ZP1: variants seen among roughly 807,000 people sequenced by gnomAD.
ZP1 encodes the protein zona pellucida glycoprotein 1, also known as zona pellucida sperm-binding protein 1.
In ZP1, 58 loss-of-function variants were observed where a neutral mutation model predicts 67.4. The ratio of observed to expected loss-of-function variants is 0.86; its 90% confidence interval spans 0.70 to 1.07. The LOEUF (loss-of-function observed/expected upper bound fraction) is 1.07, where lower values mean the gene tolerates loss of function less well. ZP1 is among the 50% of genes least tolerant of loss of function. The pLI is 0.00. For synonymous variants in ZP1, 333 were observed against 332.7 expected, an observed-to-expected ratio of 1.00 and a Z score of -0.01; for missense variants, 759 against 807.3, an observed-to-expected ratio of 0.94 and a Z score of 0.72.
In ZP1 at chr11:60,867,798, C is replaced by A. The variant is rs189311227; in HGVS notation, c.196+41C>A. ...GTCCTGGCCCCTGCCTCCCTGGCCA[C>A]GGGCTGCTGCCAGAAGGGAGCTGGG... On this transcript the variant is annotated intron_variant, in intron 1 of 11. Transcript: ENST00000278853. 11 of 1,588,852 alleles carry A rather than the reference C, an allele frequency of 6.9e-6. No homozygotes were observed. In the African/African-American group the frequency reaches 1.1e-4, roughly 16 times the overall value.
In ZP1 at chr11:60,867,674, G is replaced by A. The variant is rs759093238; in HGVS notation, c.113G>A (p.Arg38Gln). 46 of 1,614,042 alleles carry A rather than the reference G, an allele frequency of 2.8e-5. No individual in the cohort carries two copies. The highest frequency in any genetic ancestry group is 3.6e-5 in the Non-Finnish European group (42 of 1,179,968). The change falls in exon 1 of 12, where the codon CGG (arginine) becomes CAG (glutamine). Residue 38 changes from arginine (R) to glutamine (Q), a missense_variant. Physicochemically the swap from Arg to Gln is conservative, Grantham distance 43 (BLOSUM62 1). Transcript: ENST00000278853. The stretch of plus-strand genomic sequence containing the variant: ...CCCGACCCTGGCCTCCCAGGCCTCC[G>A]GCACAGCTACGACTGTGGGATCAAG... Reference protein sequence around the residue: ...LQPDPGLPGLRHSYDCGIKGM... With the variant: ...LQPDPGLPGLQHSYDCGIKGM...
At chr11:60,869,044 C>T in intron 1 of ZP1, 101 bp from the exon 2 acceptor site, 2 of 1,443,244 alleles carry the variant, frequency 1.4e-6, no homozygotes, top group Admixed American at 1.9e-5. Flanking sequence ...AAGGCAAGAA[C>T]CCAGGTCTCC....
chr11:60,869,704 T>G lies in ZP1; in HGVS notation c.486T>G (p.Leu162=). The G allele has an allele frequency of 6.2e-7, 1 of 1,614,050 alleles. No individual in the cohort carries two copies. The highest frequency in any genetic ancestry group is 8.5e-7 in the Non-Finnish European group (1 of 1,179,960). Residue 162 remains leucine, a synonymous_variant, in exon 3 of 12, where the codon CTT becomes CTG. Transcript: ENST00000278853. ...TCTCTGTCTCAACCCCACAAACCCT[T>G]TCCTTCCTCCCCACCTCTGGCCATA... is the stretch of plus-strand genomic sequence containing the variant. ...AMFSVSTPQT[L]SFLPTSGHTS...
Position 60,873,793 on chromosome 11 carries a change from C to T in ZP1, c.1572+18C>T. ...GAGGACTGGTAAGAAGCCCCGGCTG[C>T]CGCATGCCTGGTCCCATCTGTTAAG... On this transcript the variant is annotated intron_variant, in intron 9 of 11. Transcript: ENST00000278853. 1 of 1,612,632 alleles carries T rather than the reference C, an allele frequency of 6.2e-7. No individual in the cohort carries two copies. Among genetic ancestry groups the T allele is most frequent in the Non-Finnish European group, 8.5e-7 (1 of 1,179,996 alleles).
Position 60,869,745 on chromosome 11 carries a change from G to A in ZP1, c.527G>A (p.Gly176Asp). The A allele has an allele frequency of 6.2e-7, 1 of 1,613,940 alleles. No homozygotes were observed. The highest frequency in any genetic ancestry group is 1.1e-5 in the South Asian group (1 of 91,052). ...TCTGGCCATACCTCCCAAGGCTCTGGCCATGCCTTTCCCAGCCCACTGGAC... is the reference window on the plus strand; with the variant it reads ...TCTGGCCATACCTCCCAAGGCTCTGACCATGCCTTTCCCAGCCCACTGGAC... ...PTSGHTSQGSGHAFPSPLDPG... is the reference protein window; with the variant it reads ...PTSGHTSQGSDHAFPSPLDPG... The change falls in exon 3 of 12, where the codon GGC becomes GAC. Residue 176 changes from glycine (G) to aspartate (D), a missense_variant. Coordinates refer to ENST00000278853, the MANE Select transcript of ZP1 (RefSeq NM_207341.4).
rs148876134 is a variant in ZP1, at chr11:60,868,751, A to G, written c.197-394A>G. On this transcript the variant is annotated intron_variant, in intron 1 of 11. Transcript: ENST00000278853. Reference sequence around the variant, plus strand: ...CCTCATTCTGCCCCTCATTGTGTGCACCTAAGAAAGCTCACGCACCCTCCC... The same window carrying G: ...CCTCATTCTGCCCCTCATTGTGTGCGCCTAAGAAAGCTCACGCACCCTCCC... Among the ~76,000 whole-genome samples, 274 of 152,286 alleles carry G rather than the reference A, an allele frequency of 1.8e-3. 2 individuals carry two copies. Among genetic ancestry groups the G allele is most frequent in the African/African-American group, 6.4e-3 (266 of 41,560 alleles).
chr11:60,868,448 A>G (rs1405911041), intron 1 of ZP1, among the ~76,000 whole-genome samples: 2 of 152,248 alleles, frequency 1.3e-5, no homozygotes, highest in African/African-American at 4.8e-5. Context: ...GTGTGGGTTT[A>G]GAACTGGGGT....
intron 6 of ZP1, 125 bp from the exon 7 acceptor site, chr11:60,873,037 A>C: frequency 1.8e-6 from 2 of 1,084,282 alleles, no homozygotes; most frequent in Non-Finnish European, 1.3e-6. Flanking sequence ...CTTAAGTAGC[A>C]TCCATCTGCC....
At chr11:60,869,480 G>C in intron 2 of ZP1, 57 bp from the exon 3 acceptor site, 1 of 1,551,260 alleles carries the variant, frequency 6.4e-7, no homozygotes, top group Non-Finnish European at 8.7e-7. Flanking sequence ...CCCGTCCCCT[G>C]CCTGGGTATG....
Position 60,875,556 on chromosome 11 carries a change from T to C in ZP1, c.1817T>C (p.Val606Ala), listed in dbSNP as rs1855686858. The C allele has an allele frequency of 1.2e-6, 2 of 1,613,942 alleles. No individual in the cohort carries two copies. Among genetic ancestry groups the C allele is most frequent in the South Asian group, 2.2e-5 (2 of 91,076 alleles). ...AGCCTGAGACCTCTCCTTTGGGCGG[T>C]CCTTTTGCTGCCAGCTGTTGCCCTG... ...NSSLRPLLWAVLLLPAVALVL... is the reference protein window; with the variant it reads ...NSSLRPLLWAALLLPAVALVL... The change falls in exon 12 of 12, where the codon GTC (valine) becomes GCC (alanine). Residue 606 changes from valine (V) to alanine (A), a missense_variant. Coordinates refer to ENST00000278853, the MANE Select transcript of ZP1 (RefSeq NM_207341.4).
intron 6 of ZP1, among the ~76,000 whole-genome samples, chr11:60,872,557 T>C (rs1855594115): frequency 6.6e-6 from 1 of 152,198 alleles, no homozygotes; most frequent in African/African-American, 2.4e-5. Flanking sequence ...TGCTAGACAC[T>C]GTGGCCTTTA....
At position 60,867,544 on chromosome 11, in the gene ZP1, G is replaced by C. The variant is rs1293500427; in HGVS notation, c.-18G>C. On this transcript the variant is annotated 5_prime_UTR_variant, in exon 1 of 12. Transcript: ENST00000278853. ...AGCTCTGGTGGCGAGGGAGTAGGGG[G>C]TGTGTCTGTGGCGTCTCATGGCAGG... The C allele has an allele frequency of 1.3e-6, 2 of 1,599,328 alleles. No homozygotes were observed. The highest frequency in any genetic ancestry group is 3.4e-5 in the Admixed American group (2 of 58,714).
intron 4 of ZP1, 33 bp downstream of exon 4, chr11:60,870,508 C>G: frequency 6.4e-7 from 1 of 1,565,424 alleles, no homozygotes. Context: ...GATCCTGGTC[C>G]CTTGGATTCT....
chr11:60,873,228 C>T lies in ZP1; in HGVS notation c.1179C>T (p.Pro393=), dbSNP rs771782853. The T allele has an allele frequency of 3.7e-6, 6 of 1,607,734 alleles. No individual in the cohort carries two copies. In the Admixed American group the frequency reaches 8.4e-5, roughly 23 times the overall value. The stretch of plus-strand genomic sequence containing the variant: ...CCATTCAGGCATCCATTTTCCCACC[C>T]CCATCGCCTGCTCCTATGACCCAGC... ...FLPIQASIFP[P]PSPAPMTQPG... is the part of the protein sequence containing the mutation. The change falls in exon 7 of 12, where the codon CCC becomes CCT. Residue 393 remains proline, a synonymous_variant. Coordinates refer to ENST00000278853, the MANE Select transcript of ZP1 (RefSeq NM_207341.4).
At position 60,875,006 on chromosome 11, in the gene ZP1, G is replaced by A; in HGVS notation, c.1646G>A (p.Gly549Asp). 1.2e-6 allele frequency: 2 copies of A among 1,614,250 alleles called. No homozygotes were observed. The highest frequency in any genetic ancestry group is 1.7e-6 in the Non-Finnish European group (2 of 1,180,058). Residue 549 changes from glycine (G) to aspartate (D), a missense_variant, in exon 10 of 12, where the codon GGC becomes GAC. Transcript: ENST00000278853. The part of the protein sequence containing the change: ...LETCSTACST[G>D]TTRQRRSSGH... ...ACTTGCTCCACTGCATGTAGCACTG[G>A]CACTACAAGTGAGTCTGGGTTGCGA... is the stretch of plus-strand genomic sequence containing the variant.
chr11:60,870,906 C>G (rs770617497), intron 4 of ZP1, 51 bp from the exon 5 acceptor site: 1 of 1,555,078 alleles, frequency 6.4e-7, no homozygotes, highest in Non-Finnish European at 8.7e-7. Flanking sequence ...CATCCCGTCT[C>G]TGTGCTGGAT....
At chr11:60,871,575 CAGTCCTGAGAGAGCTGG>C (rs775771568) in intron 6 of ZP1, among the ~76,000 whole-genome samples, 11 of 152,314 alleles carry the variant, frequency 7.2e-5, no homozygotes, top group Non-Finnish European at 1.5e-4. Flanking sequence ...AGCCCAGGGC[CAGTCCTGAGAGAGCTGG>C]AGTCCTGAGA....
Position 60,873,721 on chromosome 11 carries a change from T to C in ZP1, c.1518T>C (p.Thr506=). ...TPFQSHYQRF[T]VATFALLDSG... ...TCCAGTCGCACTACCAGCGATTCAC[T>C]GTTGCTACCTTCGCCCTCCTGGACT... The change falls in exon 9 of 12, where the codon ACT becomes ACC. Residue 506 remains threonine, a synonymous_variant. Transcript: ENST00000278853. 1 of 1,614,188 alleles carries C rather than the reference T, an allele frequency of 6.2e-7. No individual in the cohort carries two copies. Among genetic ancestry groups the C allele is most frequent in the Non-Finnish European group, 8.5e-7 (1 of 1,180,042 alleles).
Position 60,870,490 on chromosome 11 carries a change from C to T in ZP1, c.826+15C>T. On this transcript the variant is annotated intron_variant, in intron 4 of 11. Coordinates refer to ENST00000278853, the MANE Select transcript of ZP1 (RefSeq NM_207341.4). ...TGGCAACACAGGTACAACCTCCCAC[C>T]CCAGCAAGATCCTGGTCCCTTGGAT... The T allele has an allele frequency of 1.3e-6, 2 of 1,591,452 alleles. No individual in the cohort carries two copies. The highest frequency in any genetic ancestry group is 8.6e-7 in the Non-Finnish European group (1 of 1,167,694).
Sources: allele counts gnomAD v4.1 joint callset (sites outside exome capture counted in the v4.1 genomes callset), GRCh38; gene constraint gnomAD v4.1.1; transcripts MANE v1.5; gene names NCBI Gene and HGNC (gene_info 2026-07-23, HGNC 2026-07-21).